SLC36A1: variants seen among roughly 807,000 people sequenced by gnomAD.
SLC36A1 encodes solute carrier family 36 member 1, also known as proton-coupled amino acid transporter 1.
In SLC36A1, 30 loss-of-function variants were observed where a neutral mutation model predicts 47.5. That is an observed-to-expected ratio of 0.63 (90% confidence interval 0.47 to 0.86). The LOEUF is 0.86. Among genes scored for constraint, SLC36A1 ranks in the 40% least tolerant of loss-of-function variants. The pLI is 0.00. For missense variants in SLC36A1, 517 were observed against 606.0 expected (o/e 0.85, Z 1.54); for synonymous variants, 255 against 249.7 (o/e 1.02, Z -0.20).
chr5:151,474,178 A>AAAAAAAAAAAAAAAAAAAAAAAAGAG (rs776318482), intron 8 of SLC36A1, among the ~76,000 whole-genome samples: 2 of 119,016 alleles, frequency 1.7e-5, no homozygotes, highest in African/African-American at 9.0e-5. Flanking sequence ...AAAAAAAAAA[A>AAAAAAAAAAAAAAAAAAAAAAAAGAG]AGAAATTATC....
chr5:151,443,694 C>T (rs1359965282), upstream of SLC36A1, among the ~76,000 whole-genome samples: 1 of 152,088 alleles, frequency 6.6e-6, no homozygotes, highest in African/African-American at 2.4e-5. Context: ...TTTATTTTTG[C>T]TTTTGTAATC....
At position 151,488,339 on chromosome 5, in the gene SLC36A1, G is replaced by C; in HGVS notation, c.*85G>C. On this transcript the variant is annotated 3_prime_UTR_variant, in exon 11 of 11. Transcript: ENST00000243389. ...CCTCAGAGCCTCAGGTATGGTCCAG[G>C]CTCTGAGGAAAGTCAGGGTTGCTGT... is the stretch of plus-strand genomic sequence containing the variant. 14 of 1,508,028 alleles carry C rather than the reference G, an allele frequency of 9.3e-6. No homozygotes were observed. The Middle Eastern group carries it at 5.5e-4, about 60-fold the overall frequency. The allele number at this position is 1,508,028 out of a possible 1,614,324, so 93.4% of individuals were successfully genotyped here.
the SLC36A1 span, among the ~76,000 whole-genome samples, chr5:151,383,392 G>T: frequency 6.6e-6 from 1 of 151,986 alleles, no homozygotes; most frequent in Non-Finnish European, 1.5e-5. Flanking sequence ...CACATTTGTC[G>T]TACAGCTTAT....
At chr5:151,529,201 G>C in the SLC36A1 span, 1 of 1,614,108 alleles carries the variant, frequency 6.2e-7, no homozygotes, top group Middle Eastern at 1.7e-4. Context: ...TCACCCACAA[G>C]GGCATTCTCT....
chr5:151,399,084 A>ATATATATATATATATATTTTTTTT, the SLC36A1 span, among the ~76,000 whole-genome samples: 2 of 60,066 alleles, frequency 3.3e-5, no homozygotes, highest in African/African-American at 1.1e-4. Flanking sequence ...ATATATATAT[A>ATATATATATATATATATTTTTTTT]TTTTTTTTTT....
chr5:151,512,536 C>T, the SLC36A1 span: 38 of 1,614,144 alleles, frequency 2.4e-5, no homozygotes, highest in Admixed American at 1.0e-4. This position sits in a 1 kb window ranked among gnomAD's most constrained non-coding sequence, Gnocchi z 4.1. Context: ...ATTCACATGG[C>T]GCTGGGAGGA....
the SLC36A1 span, among the ~76,000 whole-genome samples, chr5:151,351,519 T>C: frequency 0.011 from 1,658 of 152,220 alleles, 69 homozygotes; most frequent in East Asian, 0.15. Flanking sequence ...GAGCGGTCAG[T>C]GGCATCAGCA....
chr5:151,535,834 G>C, the SLC36A1 span, among the ~76,000 whole-genome samples: 2 of 152,078 alleles, frequency 1.3e-5, no homozygotes, highest in African/African-American at 4.8e-5. Context: ...GACACCTGAG[G>C]GGTCTCCGCT....
the SLC36A1 span, among the ~76,000 whole-genome samples, chr5:151,354,240 G>C: frequency 6.6e-6 from 1 of 152,122 alleles, no homozygotes; most frequent in Admixed American, 6.5e-5. Flanking sequence ...GGAGGTGGAG[G>C]GTGCAGTGAG....
intron 2 of SLC36A1, among the ~76,000 whole-genome samples, chr5:151,461,245 C>A (rs529250888): frequency 6.6e-6 from 1 of 151,856 alleles, no homozygotes; most frequent in South Asian, 2.1e-4. Context: ...CTGCCTCGGC[C>A]TCCCAAAGTG....
At chr5:151,528,078 A>C in the SLC36A1 span, 9 of 1,614,088 alleles carry the variant, frequency 5.6e-6, no homozygotes, top group South Asian at 7.7e-5. Context: ...GTTCCCTCCT[A>C]TGAGGCTATA....
chr5:151,467,610 C>A, intron 6 of SLC36A1, 97 bp from the exon 7 acceptor site: 1 of 1,027,838 alleles, frequency 9.7e-7, no homozygotes, highest in Non-Finnish European at 1.5e-6. Context: ...CTTGTTCACA[C>A]ACCTGAGCCT....
chr5:151,380,798 C>G, the SLC36A1 span: 4 of 514,140 alleles, frequency 7.8e-6, no homozygotes, highest in Non-Finnish European at 1.6e-5. Context: ...TCTGGGAAGA[C>G]AGGAAATGGT....
chr5:151,505,602 T>C, the SLC36A1 span: 12 of 1,614,118 alleles, frequency 7.4e-6, no homozygotes, highest in South Asian at 1.3e-4. Context: ...ATAATCACTC[T>C]CCACCATGTC....
the SLC36A1 span, among the ~76,000 whole-genome samples, chr5:151,383,611 C>T: frequency 7.6e-6 from 1 of 131,908 alleles, no homozygotes; most frequent in African/African-American, 3.1e-5. Context: ...CTCGCTCTGT[C>T]GCCCAGACTG....
chr5:151,359,153 A>G, the SLC36A1 span, among the ~76,000 whole-genome samples: 5 of 152,210 alleles, frequency 3.3e-5, no homozygotes. Context: ...ATATTGGCCC[A>G]ATGATCTTTC....
the SLC36A1 span, among the ~76,000 whole-genome samples, chr5:151,385,013 T>A: frequency 1.5e-3 from 171 of 110,800 alleles, 2 homozygotes; most frequent in East Asian, 0.022. Context: ...AGAGAGAGTG[T>A]GTGTGTGTGT....
chr5:151,479,416 T>C lies in SLC36A1; in HGVS notation c.1086T>C (p.Phe362=), dbSNP rs9687945. 272 of 1,614,206 alleles carry C rather than the reference T, an allele frequency of 1.7e-4. No homozygotes were observed. In the African/African-American group the frequency reaches 3.4e-3, roughly 20 times the overall value. Residue 362 remains phenylalanine (F), a synonymous_variant, in exon 10 of 11, where the codon TTT becomes TTC. Coordinates refer to ENST00000243389, the MANE Select transcript of SLC36A1 (RefSeq NM_078483.4). ...CGGCTGAGATCATCATCCCCTTCTT[T>C]GTGTCCCGAGCGCCCGAGCACTGTG... ...YVPAEIIIPF[F]VSRAPEHCEL...
intron 9 of SLC36A1, 174 bp downstream of exon 9, chr5:151,476,930 G>T: frequency 1.2e-6 from 1 of 814,818 alleles, no homozygotes. Context: ...TCTGTTTGGG[G>T]AATTCATGTA....
Sources: allele counts gnomAD v4.1 joint callset (sites outside exome capture counted in the v4.1 genomes callset), GRCh38; gene constraint gnomAD v4.1.1; non-coding constraint Gnocchi (gnomAD v3.1); transcripts MANE v1.5; gene names NCBI Gene and HGNC (gene_info 2026-07-23, HGNC 2026-07-21).